Variants in SHOC1 observed in about 807,000 individuals in gnomAD.
SHOC1 encodes protein shortage in chiasmata 1 ortholog.
A neutral mutation model predicts 179.2 loss-of-function variants in SHOC1; 136 were observed. That is an observed-to-expected ratio of 0.76 (90% confidence interval 0.66 to 0.87). The LOEUF is 0.87. SHOC1 is among the 40% of genes least tolerant of loss of function. The probability of loss-of-function intolerance (pLI) is 0.00; values close to 1 mark genes in which losing one functional copy is unlikely to be tolerated. For synonymous variants in SHOC1, 489 were observed against 586.6 expected, an observed-to-expected ratio of 0.83 and a Z score of 2.41; for missense variants, 1,538 against 1,700.8, an observed-to-expected ratio of 0.90 and a Z score of 1.68.
rs745334756 is a variant in SHOC1 at position 111,692,296 on chromosome 9, C to A, written c.3681G>T (p.Leu1227Phe). 8 of 1,613,384 alleles carry A rather than the reference C, an allele frequency of 5.0e-6. No homozygotes were observed. The highest frequency in any genetic ancestry group is 4.2e-6 in the Non-Finnish European group (5 of 1,179,506). ...ETVQEDKTTI[L>F]NDNSSIMELK... Reference sequence around the variant, plus strand: ...GTTCCATAATGGAAGAGTTGTCATTCAAAATGGTGGTTTTGTCTTCCTGCA... The same window carrying A: ...GTTCCATAATGGAAGAGTTGTCATTAAAAATGGTGGTTTTGTCTTCCTGCA... Residue 1227 changes from leucine to phenylalanine, a missense_variant, in exon 27 of 28, where the codon TTG becomes TTT. Transcript: ENST00000682961.
Position 111,738,272 on chromosome 9 carries a change from G to T in SHOC1, c.1417+8C>A. 2 of 1,599,808 alleles carry T rather than the reference G, an allele frequency of 1.3e-6. No homozygotes were observed. Among genetic ancestry groups the T allele is most frequent in the Non-Finnish European group, 1.7e-6 (2 of 1,170,148 alleles). On this transcript the variant is annotated splice_region_variant and intron_variant, in intron 12 of 27. Coordinates refer to ENST00000682961, the MANE Select transcript of SHOC1 (RefSeq NM_001378211.1). The stretch of plus-strand genomic sequence containing the variant: ...TTACATAACTAATATTTACTGTGAT[G>T]TACTTACATTCTAATTGAAGCACTT...
chr9:111,725,772 A>G (rs1833269549), intron 13 of SHOC1, among the ~76,000 whole-genome samples: 1 of 152,270 alleles, frequency 6.6e-6, no homozygotes, highest in South Asian at 2.1e-4. Flanking sequence ...TTAATTGTTT[A>G]GTAAATGAAT....
chr9:111,759,765 C>T lies in SHOC1; in HGVS notation c.443-917G>A, dbSNP rs188030462. On this transcript the variant is annotated intron_variant, in intron 5 of 27. Transcript: ENST00000682961. ...TGAATGGCATAAGAAAAGAATAGTA[C>T]GGAGTTTTCAGGTAGTAATGTCTCC... 1.8e-4 allele frequency among the ~76,000 whole-genome samples: 27 copies of T among 152,264 alleles called. No homozygotes were observed. In the South Asian group the frequency reaches 3.5e-3, roughly 20 times the overall value.
At chr9:111,726,077 A>C (rs1833281559) in intron 13 of SHOC1, among the ~76,000 whole-genome samples, 1 of 152,170 alleles carries the variant, frequency 6.6e-6, no homozygotes, top group Non-Finnish European at 1.5e-5. Flanking sequence ...TCACATTTAT[A>C]AAATAATTAT....
At chr9:111,722,669 G>C (rs1043046942) in intron 14 of SHOC1, 84 bp from the exon 15 acceptor site, 2 of 1,122,234 alleles carry the variant, frequency 1.8e-6, no homozygotes, top group Non-Finnish European at 2.5e-6. Flanking sequence ...TTATTTCGTG[G>C]AGATCCGAAC....
chr9:111,701,806 T>A (rs1236679650), intron 23 of SHOC1, among the ~76,000 whole-genome samples: 3 of 152,112 alleles, frequency 2.0e-5, no homozygotes. Context: ...ACAAAAAATT[T>A]AGTACAGTAG....
At chr9:111,725,397 G>T (rs963681576) in intron 13 of SHOC1, among the ~76,000 whole-genome samples, 24 of 152,166 alleles carry the variant, frequency 1.6e-4, no homozygotes, top group African/African-American at 5.3e-4. Flanking sequence ...TTGGGGAATA[G>T]AATTTAGTTT....
At chr9:111,773,049 C>T (rs887483544) in intron 5 of SHOC1, among the ~76,000 whole-genome samples, 10 of 151,768 alleles carry the variant, frequency 6.6e-5, no homozygotes, top group African/African-American at 2.2e-4. Flanking sequence ...GTTGGATTCT[C>T]CTACCGTCTG....
At chr9:111,779,990 C>A (rs1835976198) in intron 4 of SHOC1, among the ~76,000 whole-genome samples, 6 of 152,212 alleles carry the variant, frequency 3.9e-5, no homozygotes, top group African/African-American at 1.2e-4. Context: ...TGCTTCCTCG[C>A]TGCTAGGAGT....
In SHOC1 at chr9:111,706,754, C is replaced by CAA. The variant is rs775126858; in HGVS notation, c.2559-10_2559-9dup. 3.9e-6 allele frequency: 6 copies of CAA among 1,548,944 alleles called. No individual in the cohort carries two copies. Among genetic ancestry groups the CAA allele is most frequent in the Non-Finnish European group, 5.2e-6 (6 of 1,149,954 alleles). The stretch of plus-strand genomic sequence containing the variant: ...ACTACACAGGAACTTGTACTAAAGA[C>CAA]AAAAGAGAGCCAAGAAAATGGCATT... On this transcript the variant is annotated splice_polypyrimidine_tract_variant and intron_variant, in intron 19 of 27. Coordinates refer to ENST00000682961, the MANE Select transcript of SHOC1 (RefSeq NM_001378211.1).
Position 111,722,852 on chromosome 9 carries a change from A to C in SHOC1, c.1955-267T>G, listed in dbSNP as rs1833127849. ...GAGTCTTGCTCTGTTGCCAGGCTGG[A>C]GTGTAGTGGCGCCATCTCGGCTCAC... On this transcript the variant is annotated intron_variant, in intron 14 of 27. Coordinates refer to ENST00000682961, the MANE Select transcript of SHOC1 (RefSeq NM_001378211.1). 4.6e-5 allele frequency among the ~76,000 whole-genome samples: 7 copies of C among 152,148 alleles called. No homozygotes were observed. In the South Asian group the frequency reaches 1.2e-3, roughly 27 times the overall value.
Position 111,781,028 on chromosome 9 carries a change from T to C in SHOC1, c.170-11A>G. Reference sequence around the variant, plus strand: ...CTGAAACAGCTGAGACTAGAAAGGATAATAGTTAACATTAATGTCTAGAAT... The same window carrying C: ...CTGAAACAGCTGAGACTAGAAAGGACAATAGTTAACATTAATGTCTAGAAT... On this transcript the variant is annotated splice_polypyrimidine_tract_variant and intron_variant, in intron 3 of 27. Coordinates refer to ENST00000682961, the MANE Select transcript of SHOC1 (RefSeq NM_001378211.1). The C allele has an allele frequency of 6.3e-7, 1 of 1,595,728 alleles. No individual in the cohort carries two copies.
In SHOC1 at chr9:111,692,133, T is replaced by C; in HGVS notation, c.3844A>G (p.Asn1282Asp). 1 of 1,613,796 alleles carries C rather than the reference T, an allele frequency of 6.2e-7. No homozygotes were observed. Among genetic ancestry groups the C allele is most frequent in the Non-Finnish European group, 8.5e-7 (1 of 1,179,806 alleles). ...GAATCACTGTGGTTTAGAAAGGAGT[T>C]ATAAGCCGGTCTCCTTGATTCTATA... ...INIESRRPAY[N>D]SFLNHSDSES... Residue 1282 changes from asparagine to aspartate, a missense_variant, in exon 27 of 28, where the codon AAC becomes GAC. Transcript: ENST00000682961.
intron 3 of SHOC1, among the ~76,000 whole-genome samples, chr9:111,784,410 A>C (rs1237422712): frequency 1.3e-5 from 2 of 152,170 alleles, no homozygotes; most frequent in Non-Finnish European, 2.9e-5. Flanking sequence ...AGTACATCTC[A>C]CATCTCCGTT....
At chr9:111,701,833 C>T (rs946547606) in intron 23 of SHOC1, among the ~76,000 whole-genome samples, 7 of 152,016 alleles carry the variant, frequency 4.6e-5, no homozygotes, top group African/African-American at 1.7e-4. Flanking sequence ...AGAAATCAGA[C>T]AAGTCCAGAA....
intron 6 of SHOC1, among the ~76,000 whole-genome samples, chr9:111,758,468 C>T (rs41296065): frequency 0.017 from 2,594 of 152,248 alleles, 30 homozygotes; most frequent in Non-Finnish European, 0.024. Context: ...CAGTGGCGCA[C>T]GCCTGTAGTC....
chr9:111,735,189 C>T (rs773797532), intron 12 of SHOC1, among the ~76,000 whole-genome samples: 6 of 151,976 alleles, frequency 3.9e-5, no homozygotes, highest in Middle Eastern at 3.4e-3. Flanking sequence ...GTATGTACCA[C>T]ATTTTTTTTT....
chr9:111,689,494 G>A lies in SHOC1; in HGVS notation c.4426+2057C>T, dbSNP rs1453021869. ...ATGGAAAATTATCTTGAGGTTATGG[G>A]TTATGCTAATGGCTTTGGATAAATT... is the stretch of plus-strand genomic sequence containing the variant. On this transcript the variant is annotated intron_variant, in intron 27 of 27. Transcript: ENST00000682961. 4.6e-5 allele frequency among the ~76,000 whole-genome samples: 7 copies of A among 151,914 alleles called. No individual in the cohort carries two copies. The East Asian group carries it at 1.2e-3, about 25-fold the overall frequency.
intron 4 of SHOC1, among the ~76,000 whole-genome samples, chr9:111,778,882 T>A (rs1201643770): frequency 1.3e-5 from 2 of 151,070 alleles, no homozygotes; most frequent in Non-Finnish European, 2.9e-5. Context: ...GTGGATCACT[T>A]GAGGCCAGGA....
Sources: allele counts gnomAD v4.1 joint callset (sites outside exome capture counted in the v4.1 genomes callset), GRCh38; gene constraint gnomAD v4.1.1; transcripts MANE v1.5; gene names NCBI Gene and HGNC (gene_info 2026-07-23, HGNC 2026-07-21).